Variants in CTSH observed in about 807,000 individuals in gnomAD.
The protein encoded by CTSH is cathepsin H.
CTSH carries 52 observed loss-of-function variants against 56.3 expected under a neutral mutation model. The observed-to-expected ratio is 0.92, with a 90% CI of 0.74 to 1.16. The LOEUF (loss-of-function observed/expected upper bound fraction) is 1.16, where lower values mean the gene tolerates loss of function less well. Ranked by LOEUF, CTSH falls within the 50% of genes most tolerant of loss-of-function variation. The probability of loss-of-function intolerance (pLI) is 0.00; values close to 1 mark genes in which losing one functional copy is unlikely to be tolerated. For synonymous variants in CTSH, 174 were observed against 155.7 expected (o/e 1.12, Z -0.88); for missense variants, 406 against 424.5 (o/e 0.96, Z 0.38).
chr15:78,941,942 T>C (rs543871420), intron 1 of CTSH, among the ~76,000 whole-genome samples: 2 of 152,336 alleles, frequency 1.3e-5, no homozygotes, highest in South Asian at 4.1e-4. Context: ...ATGCATCTCT[T>C]AATGTGATAA....
chr15:78,932,740 C>G (rs2055091344), intron 5 of CTSH, among the ~76,000 whole-genome samples: 1 of 152,170 alleles, frequency 6.6e-6, no homozygotes, highest in Non-Finnish European at 1.5e-5. Flanking sequence ...TGGCCTCTGA[C>G]CAGTGCCTGT....
Position 78,937,410 on chromosome 15 carries a change from T to A in CTSH, c.137A>T (p.Tyr46Phe), listed in dbSNP as rs147145865. 19 of 1,614,142 alleles carry A rather than the reference T, an allele frequency of 1.2e-5. No homozygotes were observed. In the East Asian group the frequency reaches 3.8e-4, roughly 32 times the overall value. The change falls in exon 3 of 12, where the codon TAC becomes TTC. Residue 46 changes from tyrosine (Y) to phenylalanine (F), a missense_variant. Transcript: ENST00000220166. ...KSWMSKHRKTYSTEEYHHRLQ... is the reference protein window; with the variant it reads ...KSWMSKHRKTFSTEEYHHRLQ... ...CCTGTGGTGGTACTCCTCCGTACTG[T>A]AGGTCTTACGGTGCTAAAACAAAAC...
chr15:78,931,855 G>T, intron 6 of CTSH: 1 of 1,261,948 alleles, frequency 7.9e-7, no homozygotes, highest in Non-Finnish European at 1.0e-6. Context: ...CCCAGCCAGA[G>T]ACCCTACCCC....
chr15:78,936,680 A>G (rs2055183676), intron 3 of CTSH, among the ~76,000 whole-genome samples: 1 of 150,224 alleles, frequency 6.7e-6, no homozygotes, highest in Non-Finnish European at 1.5e-5. Flanking sequence ...CCCAGGCTGG[A>G]GTGCAATGGC....
rs1274938467 is a variant in CTSH at position 78,922,055 on chromosome 15, G to A, written c.*75C>T. The A allele has an allele frequency of 7.3e-7, 1 of 1,378,970 alleles. No individual in the cohort carries two copies. Among genetic ancestry groups the A allele is most frequent in the African/African-American group, 1.4e-5 (1 of 69,774 alleles). 85.4% of individuals were successfully genotyped at this position (1,378,970 alleles called of 1,614,324 possible). Reference sequence around the variant, plus strand: ...GTGGATCTCCCCACAACTTCCTCCAGGGCAGGATTTCCACCCAGGCCCAGG... The same window carrying A: ...GTGGATCTCCCCACAACTTCCTCCAAGGCAGGATTTCCACCCAGGCCCAGG... On this transcript the variant is annotated 3_prime_UTR_variant, in exon 12 of 12. Transcript: ENST00000220166.
intron 10 of CTSH, 58 bp downstream of exon 10, chr15:78,925,276 A>G: frequency 9.2e-7 from 1 of 1,089,598 alleles, no homozygotes. Flanking sequence ...GTGGGGTGTG[A>G]GGAGGCCCAC....
Position 78,937,364 on chromosome 15 carries a change from G to T in CTSH, c.183C>A (p.Asn61Lys). ...TGTTGTGGGCGTTTATCTTCCTCCA[G>T]TTGCTGGCAAACGTCTGCAGCCTGT... ...YHHRLQTFAS[N>K]WRKINAHNNG... is the part of the protein sequence containing the mutation. The change falls in exon 3 of 12, where the codon AAC becomes AAA. Residue 61 changes from asparagine (N) to lysine (K), a missense_variant. By Grantham distance (94) the Asn-to-Lys change is moderately conservative. Transcript: ENST00000220166. The T allele has an allele frequency of 6.2e-7, 1 of 1,614,158 alleles. No homozygotes were observed. Among genetic ancestry groups the T allele is most frequent in the Non-Finnish European group, 8.5e-7 (1 of 1,180,018 alleles).
chr15:78,934,380 C>G (rs536840775), intron 5 of CTSH, among the ~76,000 whole-genome samples: 48 of 152,298 alleles, frequency 3.2e-4, no homozygotes, highest in African/African-American at 1.1e-3. Context: ...CGCAGCAGGC[C>G]GGGAGAACAG....
At chr15:78,941,471 T>C (rs535548558) in intron 1 of CTSH, among the ~76,000 whole-genome samples, 1 of 141,930 alleles carries the variant, frequency 7.0e-6, no homozygotes, top group African/African-American at 2.6e-5. Context: ...TTACTACCTG[T>C]GACCCATACA....
At chr15:78,937,783 C>T in intron 2 of CTSH, 2 of 1,304,458 alleles carry the variant, frequency 1.5e-6, no homozygotes, top group Non-Finnish European at 2.0e-6. Context: ...CTGGTGTTCC[C>T]CAACTGATTC....
At chr15:78,932,351 C>T (rs1464186689) in intron 6 of CTSH, 21 bp downstream of exon 6, 13 of 1,609,070 alleles carry the variant, frequency 8.1e-6, no homozygotes, top group South Asian at 4.4e-5. Flanking sequence ...CGCAGGGGGT[C>T]GCCTGTGGCT....
At chr15:78,930,407 ATCC>A (rs2055025842) in intron 7 of CTSH, among the ~76,000 whole-genome samples, 1 of 152,120 alleles carries the variant, frequency 6.6e-6, no homozygotes, top group Non-Finnish European at 1.5e-5. Flanking sequence ...CACGCCTGTA[ATCC>A]CAGCTCCCTG....
Position 78,939,134 on chromosome 15 carries a change from A to G in CTSH, c.123+6T>C. On this transcript the variant is annotated splice_donor_region_variant and intron_variant, in intron 2 of 11. Transcript: ENST00000220166. ...AAACTTCAAAAAGAAGAAGTTGGGC[A>G]CTGACCTTAGACATCCATGACTTGA... 6.3e-7 allele frequency: 1 copy of G among 1,598,484 alleles called. No homozygotes were observed. The highest frequency in any genetic ancestry group is 1.2e-5 in the South Asian group (1 of 86,854).
intron 2 of CTSH, 130 bp from the exon 3 acceptor site, chr15:78,937,553 T>C: frequency 7.5e-7 from 1 of 1,340,562 alleles, no homozygotes; most frequent in African/African-American, 1.5e-5. Flanking sequence ...AAATCTGTGT[T>C]AATGGGCGGG....
intron 8 of CTSH, among the ~76,000 whole-genome samples, 166 bp downstream of exon 8, chr15:78,929,246 T>G (rs1365761818): frequency 2.0e-5 from 3 of 150,368 alleles, no homozygotes. Context: ...AGCAGTGGGC[T>G]CAGGTGGGTG....
At chr15:78,937,077 G>A in intron 3 of CTSH, 1 of 499,844 alleles carries the variant, frequency 2.0e-6, no homozygotes, top group East Asian at 3.7e-5. Context: ...GAATGGGGCA[G>A]GGGCTTCTAC....
In CTSH at chr15:78,944,907, C is replaced by G. The variant is rs1349863690; in HGVS notation, c.75G>C (p.Leu25=). ...TCTGCGTACCTAAGGAGTTCACGCA[C>G]AGTTCGGCGGCACCGCAGACGGGGA... The part of the protein sequence containing the change: ...LGVPVCGAAE[L]CVNSLEKFHF... Residue 25 remains leucine, a synonymous_variant, in exon 1 of 12, where the codon CTG becomes CTC. Transcript: ENST00000220166. The G allele has an allele frequency of 1.3e-6, 2 of 1,548,776 alleles. No individual in the cohort carries two copies. The highest frequency in any genetic ancestry group is 1.7e-6 in the Non-Finnish European group (2 of 1,146,084).
chr15:78,937,775 G>T (rs1478553427), intron 2 of CTSH: 2 of 1,308,130 alleles, frequency 1.5e-6, no homozygotes, highest in South Asian at 2.5e-5. Context: ...CACATGCACT[G>T]GTGTTCCCCA....
rs941000784 is a variant in CTSH, at chr15:78,931,341, C to T, written c.548+110G>A. On this transcript the variant is annotated intron_variant, in intron 7 of 11. Coordinates refer to ENST00000220166, the MANE Select transcript of CTSH (RefSeq NM_004390.5). ...ACAACAGAGACCATTTTGCCATCGC[C>T]CAGGGCAGTGGTGGGTTATATCTGT... 9 of 1,438,856 alleles carry T rather than the reference C, an allele frequency of 6.3e-6. No individual in the cohort carries two copies. In the Admixed American group the frequency reaches 6.9e-5, roughly 11 times the overall value. The allele number at this position is 1,438,856 out of a possible 1,614,324, so 89.1% of individuals were successfully genotyped here.
Sources: gnomAD v4.1 joint callset for allele counts (sites outside exome capture counted in the v4.1 genomes callset) on GRCh38, gnomAD v4.1.1 for gene constraint, MANE v1.5 for transcripts, NCBI Gene and HGNC (gene_info 2026-07-23, HGNC 2026-07-21) for gene names.